LCA5: variants seen among roughly 807,000 people sequenced by gnomAD.
LCA5 encodes lebercilin LCA5, also known as lebercilin.
In LCA5, 37 loss-of-function variants were observed where a neutral mutation model predicts 53.0. That is an observed-to-expected ratio of 0.70 (90% CI 0.54 to 0.92). The LOEUF is 0.92. LCA5 is among the 40% of genes least tolerant of loss of function. The probability of loss-of-function intolerance (pLI) is 0.00; values close to 1 mark genes in which losing one functional copy is unlikely to be tolerated. For synonymous variants in LCA5, 303 were observed against 282.9 expected, an observed-to-expected ratio of 1.07 and a Z score of -0.71; for missense variants, 806 against 790.5, an observed-to-expected ratio of 1.02 and a Z score of -0.23.
At position 79,485,365 on chromosome 6, in the gene LCA5, T is replaced by A. The variant is rs1769619483; in HGVS notation, c.*1639A>T. The A allele has an allele frequency of 6.6e-6, 1 of 152,562 alleles. No individual in the cohort carries two copies. Among genetic ancestry groups the A allele is most frequent in the Admixed American group, 6.6e-5 (1 of 15,266 alleles). 9.5% of individuals were successfully genotyped at this position (152,562 alleles called of 1,614,324 possible). Reference sequence around the variant, plus strand: ...GGAACAAAATTAACATTACATAATATTTTACCAATAACTGCATTACAAATA... The same window carrying A: ...GGAACAAAATTAACATTACATAATAATTTACCAATAACTGCATTACAAATA... On this transcript the variant is annotated 3_prime_UTR_variant, in exon 8 of 8. Transcript: ENST00000369846.
chr6:79,514,830 G>C (rs1437578603), intron 2 of LCA5, among the ~76,000 whole-genome samples: 5 of 152,164 alleles, frequency 3.3e-5, no homozygotes, highest in South Asian at 2.1e-4. Flanking sequence ...TAGACATACA[G>C]AGGGGAACAA....
chr6:79,525,583 A>C (rs1419693375), intron 1 of LCA5, among the ~76,000 whole-genome samples: 3 of 152,216 alleles, frequency 2.0e-5, no homozygotes, highest in Non-Finnish European at 4.4e-5. Context: ...TCAGGAAACT[A>C]ATAATTAAAG....
At chr6:79,500,093 C>T (rs9352742) in intron 3 of LCA5, among the ~76,000 whole-genome samples, 70,380 of 149,962 alleles carry the variant, frequency 0.47, 17,281 homozygotes, top group East Asian at 0.81. Context: ...ATCCAGTCTA[C>T]CATTGTTGGA....
intron 2 of LCA5, among the ~76,000 whole-genome samples, chr6:79,514,781 G>T (rs1272703557): frequency 6.6e-6 from 1 of 152,058 alleles, no homozygotes; most frequent in Non-Finnish European, 1.5e-5. Context: ...AGTAACACAT[G>T]ATTTCACTTG....
chr6:79,498,303 T>G (rs1770039063), intron 3 of LCA5, among the ~76,000 whole-genome samples: 1 of 152,138 alleles, frequency 6.6e-6, no homozygotes, highest in Admixed American at 6.6e-5. Context: ...TATAGGAGTG[T>G]TCTTTGTACT....
At chr6:79,515,923 A>G (rs1766423478) in intron 2 of LCA5, among the ~76,000 whole-genome samples, 1 of 152,064 alleles carries the variant, frequency 6.6e-6, no homozygotes, top group African/African-American at 2.4e-5. Context: ...TATGCTATCC[A>G]TTATGGTAGC....
At chr6:79,534,855 A>G (rs1296619664) in intron 1 of LCA5, among the ~76,000 whole-genome samples, 2 of 152,180 alleles carry the variant, frequency 1.3e-5, no homozygotes, top group Non-Finnish European at 1.5e-5. Context: ...AGCATGGCAT[A>G]TCACCAAACT....
At position 79,493,507 on chromosome 6, in the gene LCA5, T is replaced by G. The variant is rs144535812; in HGVS notation, c.858+106A>C. 3 of 1,069,294 alleles carry G rather than the reference T, an allele frequency of 2.8e-6. No individual in the cohort carries two copies. In the East Asian group the frequency reaches 7.8e-5, roughly 28 times the overall value. 66.2% of individuals were successfully genotyped at this position (1,069,294 alleles called of 1,614,324 possible). A position where few individuals can be genotyped will look rare whatever the true frequency, so the allele number is the denominator to read the frequency against. On this transcript the variant is annotated intron_variant, in intron 4 of 7. Transcript: ENST00000369846. Reference sequence around the variant, plus strand: ...AAGATAATATCAGAATTTTGTAAATTATATTGTACCAACTTACAAATATGA... The same window carrying G: ...AAGATAATATCAGAATTTTGTAAATGATATTGTACCAACTTACAAATATGA...
rs903776543 is a variant in LCA5 at position 79,519,031 on chromosome 6, A to C, written c.-137T>G. 7.3e-6 allele frequency: 7 copies of C among 957,736 alleles called. No individual in the cohort carries two copies. The highest frequency in any genetic ancestry group is 4.0e-5 in the South Asian group (3 of 75,132). 59.3% of individuals were successfully genotyped at this position (957,736 alleles called of 1,614,324 possible). A position where few individuals can be genotyped will look rare whatever the true frequency, so the allele number is the denominator to read the frequency against. On this transcript the variant is annotated 5_prime_UTR_variant, in exon 2 of 8. It adds an upstream start codon to the 5' untranslated region. Coordinates refer to ENST00000369846, the MANE Select transcript of LCA5 (RefSeq NM_001122769.3). Reference sequence around the variant, plus strand: ...TTTCTGTGCAATCTATTTTCTCCACAATGTATTTGTAGACCACAATTCACA... The same window carrying C: ...TTTCTGTGCAATCTATTTTCTCCACCATGTATTTGTAGACCACAATTCACA...
intron 2 of LCA5, among the ~76,000 whole-genome samples, chr6:79,515,560 T>G (rs1582642543): frequency 1.3e-5 from 2 of 152,196 alleles, no homozygotes; most frequent in Middle Eastern, 6.8e-3. Flanking sequence ...AAAGAGGCAT[T>G]TTGAAAGTCT....
At chr6:79,524,292 A>C (rs1480653256) in intron 1 of LCA5, among the ~76,000 whole-genome samples, 1 of 152,096 alleles carries the variant, frequency 6.6e-6, no homozygotes, top group Non-Finnish European at 1.5e-5. Context: ...ATTAGTTTCC[A>C]TCATCATTTT....
intron 4 of LCA5, among the ~76,000 whole-genome samples, 171 bp from the exon 5 acceptor site, chr6:79,492,818 G>T (rs1769881297): frequency 6.6e-6 from 1 of 151,966 alleles, no homozygotes; most frequent in South Asian, 2.1e-4. Flanking sequence ...CTGAGGTTAG[G>T]ATAGAGCAAT....
In LCA5 at chr6:79,485,229, A is replaced by C. The variant is rs1223548750; in HGVS notation, c.*1775T>G. ...TTAAAGAGATTATCAGGTAGAAAAAAAGCAAAAAACTAATTTAAATGACGT... is the reference window on the plus strand; with the variant it reads ...TTAAAGAGATTATCAGGTAGAAAAACAGCAAAAAACTAATTTAAATGACGT... On this transcript the variant is annotated 3_prime_UTR_variant, in exon 8 of 8. Transcript: ENST00000369846. The C allele has an allele frequency of 1.3e-5, 2 of 152,582 alleles. No homozygotes were observed. Among genetic ancestry groups the C allele is most frequent in the Non-Finnish European group, 2.9e-5 (2 of 67,994 alleles). 9.5% of individuals were successfully genotyped at this position (152,582 alleles called of 1,614,324 possible).
chr6:79,514,525 GA>G (rs1766369250), intron 2 of LCA5, among the ~76,000 whole-genome samples: 1 of 152,044 alleles, frequency 6.6e-6, no homozygotes, highest in South Asian at 2.1e-4. Context: ...ATACCCAAAG[GA>G]AAAGAAATCA....
At chr6:79,513,034 C>A (rs1766284661) in intron 3 of LCA5, 178 bp downstream of exon 3, 2 of 656,284 alleles carry the variant, frequency 3.0e-6, no homozygotes, top group Non-Finnish European at 5.4e-6. Context: ...CATTAATGTA[C>A]ACAATCTTTT....
At position 79,501,669 on chromosome 6, in the gene LCA5, CTATATTGTATATAG is replaced by C. The variant is rs1344672865; in HGVS notation, c.721-7933_721-7920del. Among the ~76,000 whole-genome samples the C allele has an allele frequency of 6.0e-5, 9 of 150,760 alleles. No individual in the cohort carries two copies. In the East Asian group the frequency reaches 1.4e-3, roughly 23 times the overall value. On this transcript the variant is annotated intron_variant, in intron 3 of 7. Transcript: ENST00000369846. ...CTAATAGGTACAATATAGTTATATA[CTATATTGTATATAG>C]TATATTGTATATTCTATATATTAAT...
rs1175837716 is a variant in LCA5, at chr6:79,486,851, T to C, written c.*153A>G. 1.5e-6 allele frequency: 1 copy of C among 646,586 alleles called. No homozygotes were observed. 40.1% of individuals were successfully genotyped at this position (646,586 alleles called of 1,614,324 possible). ...GCAAACTATCTATGTGGTGTATGTA[T>C]GATCTACTTCTTTTTAACTGCATTG... On this transcript the variant is annotated 3_prime_UTR_variant, in exon 8 of 8. Transcript: ENST00000369846.
At chr6:79,504,386 A>T (rs1770222150) in intron 3 of LCA5, among the ~76,000 whole-genome samples, 1 of 152,228 alleles carries the variant, frequency 6.6e-6, no homozygotes, top group Admixed American at 6.5e-5. Context: ...ACTGGGCAGC[A>T]ACTAGAACCA....
chr6:79,530,362 G>A (rs1766921664), intron 1 of LCA5, among the ~76,000 whole-genome samples: 2 of 152,136 alleles, frequency 1.3e-5, no homozygotes, highest in African/African-American at 4.8e-5. Context: ...ATTAAAGGGT[G>A]AAGGGTGGGA....
Sources: gnomAD v4.1 joint callset for allele counts (sites outside exome capture counted in the v4.1 genomes callset) on GRCh38, gnomAD v4.1.1 for gene constraint, MANE v1.5 for transcripts, NCBI Gene and HGNC (gene_info 2026-07-23, HGNC 2026-07-21) for gene names.